ACOT9: variants seen among roughly 807,000 people sequenced by gnomAD.
The protein encoded by ACOT9 is acyl-coenzyme A thioesterase 9, mitochondrial.
Under a neutral mutation model 39.7 loss-of-function variants are expected in ACOT9, and 34 were observed. The observed-to-expected ratio is 0.86, with a 90% CI of 0.65 to 1.14. The LOEUF is 1.14. ACOT9 is among the 50% of genes most tolerant of loss of function. ACOT9 has a pLI of 0.00. For missense variants in ACOT9, 313 were observed against 344.1 expected (o/e 0.91, Z 0.71); for synonymous variants, 110 against 120.5 (o/e 0.91, Z 0.57).
At chrX:23,740,475 G>C (rs1930098996) in intron 1 of ACOT9, among the ~76,000 whole-genome samples, 1 of 110,187 alleles carries the variant, frequency 9.1e-6, no homozygotes, top group East Asian at 2.8e-4. Flanking sequence ...TGTGGACCTC[G>C]AGCGGGCGTG....
intron 6 of ACOT9, among the ~76,000 whole-genome samples, chrX:23,726,656 AT>A (rs1298654560): frequency 1.1e-5 from 1 of 88,373 alleles, no homozygotes; most frequent in South Asian, 6.2e-4. Flanking sequence ...AGGAAAGAGG[AT>A]TTTTTACTTA....
intron 6 of ACOT9, among the ~76,000 whole-genome samples, chrX:23,724,757 G>C (rs1368713277): frequency 2.7e-5 from 3 of 110,092 alleles, no homozygotes; most frequent in African/African-American, 9.9e-5. Context: ...GGGTGACAGA[G>C]CAAGACCCTA....
chrX:23,718,493 C>A (rs1367142760), intron 8 of ACOT9, among the ~76,000 whole-genome samples: 1 of 112,484 alleles, frequency 8.9e-6, no homozygotes, highest in Non-Finnish European at 1.9e-5. Context: ...TCTTTTTCAA[C>A]CTATTTGTCC....
At chrX:23,713,910 A>C (rs1278876874) in intron 8 of ACOT9, among the ~76,000 whole-genome samples, 1 of 110,807 alleles carries the variant, frequency 9.0e-6, no homozygotes, top group Non-Finnish European at 1.9e-5. Context: ...ATGGTGGTGC[A>C]TGCCTGTAGT....
chrX:23,713,311 C>T, intron 8 of ACOT9, 103 bp from the exon 9 acceptor site: 1 of 635,969 alleles, frequency 1.6e-6, no homozygotes, highest in Non-Finnish European at 2.5e-6. Flanking sequence ...GGTGCAGTCG[C>T]TCACGCCTAT....
intron 1 of ACOT9, among the ~76,000 whole-genome samples, chrX:23,736,935 CA>C (rs1929963776): frequency 8.9e-6 from 1 of 112,178 alleles, no homozygotes; most frequent in African/African-American, 3.2e-5. Flanking sequence ...AATATTATGT[CA>C]GGGGTAGCAC....
intron 5 of ACOT9, 120 bp downstream of exon 5, chrX:23,730,696 T>C (rs897654552): frequency 2.1e-6 from 2 of 955,540 alleles, no homozygotes; most frequent in African/African-American, 1.9e-5. Context: ...TCTCTAAATA[T>C]ATCAAAACCA....
At chrX:23,731,305 G>C (rs765338127) in intron 4 of ACOT9, among the ~76,000 whole-genome samples, 1 of 110,785 alleles carries the variant, frequency 9.0e-6, no homozygotes, top group Non-Finnish European at 1.9e-5. Context: ...GCAAAACTCC[G>C]TCTCTACTAA....
chrX:23,719,900 G>T (rs1929241517), intron 8 of ACOT9, among the ~76,000 whole-genome samples: 1 of 108,193 alleles, frequency 9.2e-6, no homozygotes, highest in Non-Finnish European at 1.9e-5. Flanking sequence ...GCAGTGGTGT[G>T]ATCTCGGCTC....
chrX:23,701,855 C>A lies in ACOT9; in HGVS notation c.*2039G>T, dbSNP rs1333328947. On this transcript the variant is annotated 3_prime_UTR_variant, in exon 16 of 16. Transcript: ENST00000379303. ...TTGGGAGGCCAAGGTAGGTGGATCACCTGAGGTCAGGAATTTGAGACCAGC... is the reference window on the plus strand; with the variant it reads ...TTGGGAGGCCAAGGTAGGTGGATCAACTGAGGTCAGGAATTTGAGACCAGC... 9.0e-6 allele frequency among the ~76,000 whole-genome samples: 1 copy of A among 111,184 alleles called. No individual in the cohort carries two copies. Among genetic ancestry groups the A allele is most frequent in the African/African-American group, 3.3e-5 (1 of 30,612 alleles).
chrX:23,719,868 G>T (rs1300594559), intron 8 of ACOT9, among the ~76,000 whole-genome samples: 1 of 107,018 alleles, frequency 9.3e-6, no homozygotes, highest in Non-Finnish European at 1.9e-5. Context: ...ACGGAGTCTC[G>T]CTCTGTCGCC....
Position 23,703,984 on chromosome X carries a change from T to C in ACOT9, c.1259-2A>G. The C allele has an allele frequency of 8.3e-7, 1 of 1,202,539 alleles. No homozygotes were observed. Among genetic ancestry groups the C allele is most frequent in the Non-Finnish European group, 1.1e-6 (1 of 887,804 alleles). ...GCCCATCTAAGTACAACATGGACTC[T>C]GAAACACAAGAAAGAGAACCTTGGA... On this transcript the variant is annotated splice_acceptor_variant, in intron 15 of 15. Coordinates refer to ENST00000379303, the MANE Select transcript of ACOT9 (RefSeq NM_001037171.2). LOFTEE classifies it high-confidence loss of function.
Position 23,743,268 on chromosome X carries a change from C to CGGGA in ACOT9, c.-125_-124insTCCC. On this transcript the variant is annotated 5_prime_UTR_variant, in exon 1 of 16. Transcript: ENST00000379303. ...GCCCTTGCTGAGGACAGCCCGGGAGCCGGACAGCGGTGTCCGGGGGCGGGA... is the reference window on the plus strand; with the variant it reads ...GCCCTTGCTGAGGACAGCCCGGGAGCGGGACGGACAGCGGTGTCCGGGGGCGGGA... The CGGGA allele has an allele frequency of 7.7e-6, 7 of 911,857 alleles. No homozygotes were observed. Among genetic ancestry groups the CGGGA allele is most frequent in the South Asian group, 3.3e-5 (1 of 30,039 alleles). 75.1% of individuals were successfully genotyped at this position (911,857 alleles called of 1,213,427 possible).
chrX:23,722,101 A>G, intron 7 of ACOT9, 117 bp from the exon 8 acceptor site: 2 of 434,554 alleles, frequency 4.6e-6, no homozygotes, highest in Non-Finnish European at 7.5e-6. Context: ...CTTCAAAACT[A>G]AAATAACTTT....
At chrX:23,723,338 C>T (rs775969255) in intron 6 of ACOT9, among the ~76,000 whole-genome samples, 2 of 111,287 alleles carry the variant, frequency 1.8e-5, no homozygotes, top group African/African-American at 6.5e-5. Flanking sequence ...TACGTTGGGC[C>T]GGGCGCGGCG....
chrX:23,705,218 G>C, intron 13 of ACOT9, 138 bp from the exon 14 acceptor site: 1 of 600,155 alleles, frequency 1.7e-6, no homozygotes, highest in Non-Finnish European at 2.7e-6. Flanking sequence ...TCCTACCAGT[G>C]AGAAATGGTA....
At chrX:23,717,951 G>A (rs957081217) in intron 8 of ACOT9, among the ~76,000 whole-genome samples, 2 of 110,441 alleles carry the variant, frequency 1.8e-5, no homozygotes, top group Non-Finnish European at 3.8e-5. Flanking sequence ...AGCCACGCAT[G>A]GTGGTGTGCA....
In ACOT9 at chrX:23,701,449, CTG is replaced by C. The variant is rs1382091325; in HGVS notation, c.*2443_*2444del. On this transcript the variant is annotated 3_prime_UTR_variant, in exon 16 of 16. Coordinates refer to ENST00000379303, the MANE Select transcript of ACOT9 (RefSeq NM_001037171.2). ...TTCATGCCAGAGGTGCTTGTTGACA[CTG>C]TGATTTCAATAAACATTACATAAAC... 1.8e-5 allele frequency among the ~76,000 whole-genome samples: 2 copies of C among 110,946 alleles called. No homozygotes were observed. The highest frequency in any genetic ancestry group is 6.5e-5 in the African/African-American group (2 of 30,554).
rs760955811 is a variant in ACOT9 at position 23,730,985 on chromosome X, C to G, written c.193G>C (p.Asp65His). The change falls in exon 5 of 16, where the codon GAC becomes CAC. Residue 65 changes from aspartate (D) to histidine (H), a missense_variant and splice_region_variant. Transcript: ENST00000379303. ...EIVGASTNWRDHVKAMEERKL... is the reference protein window; with the variant it reads ...EIVGASTNWRHHVKAMEERKL... Reference sequence around the variant, plus strand: ...CTTTCTTCCATTGCCTTCACATGGTCTCTGAGAAGAAAGGATGCAGGATTC... The same window carrying G: ...CTTTCTTCCATTGCCTTCACATGGTGTCTGAGAAGAAAGGATGCAGGATTC... The G allele has an allele frequency of 7.5e-6, 9 of 1,205,740 alleles. No homozygotes were observed. The highest frequency in any genetic ancestry group is 1.0e-5 in the Non-Finnish European group (9 of 892,275).
Sources: allele counts gnomAD v4.1 joint callset (sites outside exome capture counted in the v4.1 genomes callset), GRCh38; gene constraint gnomAD v4.1.1; transcripts MANE v1.5; gene names NCBI Gene and HGNC (gene_info 2026-07-23, HGNC 2026-07-21).